Variants in CTIF observed in about 807,000 individuals in gnomAD.
CTIF encodes CBP80/20-dependent translation initiation factor.
Under a neutral mutation model 66.0 loss-of-function variants are expected in CTIF, and 21 were observed. The ratio of observed to expected loss-of-function variants is 0.32; its 90% CI spans 0.23 to 0.46. CTIF has a LOEUF of 0.46. CTIF is among the 20% of genes least tolerant of loss of function. CTIF has a pLI of 1.00. For synonymous variants in CTIF, 345 were observed against 326.4 expected (o/e 1.06, Z -0.62); for missense variants, 739 against 812.7 (o/e 0.91, Z 1.10).
rs532143146 is a variant in CTIF at position 48,587,636 on chromosome 18, C to T, written c.-28-31902C>T. Among the ~76,000 whole-genome samples the T allele has an allele frequency of 6.0e-4, 92 of 152,288 alleles. 2 individuals are homozygous for T. In the South Asian group the frequency reaches 0.019, roughly 32 times the overall value. On this transcript the variant is annotated intron_variant, in intron 1 of 11. Coordinates refer to ENST00000256413, the MANE Select transcript of CTIF (RefSeq NM_014772.3). ...GGCAAGCCAGCTTTTTGGGGCCTCA[C>T]TTTTCTCATCTGTAAAAGGAGAGGC... is the stretch of plus-strand genomic sequence containing the variant.
intron 7 of CTIF, among the ~76,000 whole-genome samples, chr18:48,743,947 C>A (rs1476206758): frequency 6.6e-6 from 1 of 152,162 alleles, no homozygotes; most frequent in Admixed American, 6.5e-5. Context: ...CTTTTCCCTC[C>A]CGTTGAGGGG....
rs1184253474 is a variant in CTIF, at chr18:48,859,958, G to T, written c.*399G>T. Reference sequence around the variant, plus strand: ...CCGGGGCACCGCTTGGGTCAGAAAGGACCTCGGAAGGCTGAAAAAGTGGGT... The same window carrying T: ...CCGGGGCACCGCTTGGGTCAGAAAGTACCTCGGAAGGCTGAAAAAGTGGGT... On this transcript the variant is annotated 3_prime_UTR_variant, in exon 12 of 12. Coordinates refer to ENST00000256413, the MANE Select transcript of CTIF (RefSeq NM_014772.3). 3 of 470,780 alleles carry T rather than the reference G, an allele frequency of 6.4e-6. No individual in the cohort carries two copies. The highest frequency in any genetic ancestry group is 8.4e-6 in the Non-Finnish European group (2 of 237,032). 29.2% of individuals were successfully genotyped at this position (470,780 alleles called of 1,614,324 possible).
At chr18:48,759,539 C>T (rs545023438) in intron 8 of CTIF, among the ~76,000 whole-genome samples, 3 of 152,150 alleles carry the variant, frequency 2.0e-5, no homozygotes, top group Non-Finnish European at 2.9e-5. Context: ...GGAAACAGCA[C>T]GGGCTTTAGA....
chr18:48,645,387 A>C (rs1341104326), intron 3 of CTIF, among the ~76,000 whole-genome samples: 1 of 152,196 alleles, frequency 6.6e-6, no homozygotes, highest in East Asian at 1.9e-4. Flanking sequence ...AAGATCTAGC[A>C]AAACAAAAAA....
At chr18:48,720,812 C>T (rs964259136) in intron 7 of CTIF, among the ~76,000 whole-genome samples, 5 of 152,248 alleles carry the variant, frequency 3.3e-5, no homozygotes, top group East Asian at 3.9e-4. Context: ...TGCCTCAGGC[C>T]GCACTCCTGG....
chr18:48,835,181 G>T (rs115226473), intron 10 of CTIF, among the ~76,000 whole-genome samples: 2 of 152,362 alleles, frequency 1.3e-5, no homozygotes, highest in African/African-American at 4.8e-5. Context: ...AAGACCTGGA[G>T]ATTAAATCTG....
chr18:48,758,524 A>G, intron 8 of CTIF, 119 bp downstream of exon 8: 1 of 1,298,220 alleles, frequency 7.7e-7, no homozygotes, highest in Non-Finnish European at 1.1e-6. Flanking sequence ...GGAGCCATGT[A>G]CAGGGAAGCA....
intron 1 of CTIF, among the ~76,000 whole-genome samples, chr18:48,611,390 G>A (rs774560081): frequency 6.6e-5 from 10 of 152,366 alleles, no homozygotes; most frequent in East Asian, 3.8e-4. Flanking sequence ...TCTGAGCTCC[G>A]CCCTGGGCCC....
At chr18:48,808,617 TAGAC>T (rs2068199796) in intron 9 of CTIF, among the ~76,000 whole-genome samples, 1 of 151,980 alleles carries the variant, frequency 6.6e-6, no homozygotes, top group Non-Finnish European at 1.5e-5. Context: ...TCCTGATACT[TAGAC>T]AGCTGTCCCT....
intron 9 of CTIF, among the ~76,000 whole-genome samples, chr18:48,762,410 C>G (rs1258413862): frequency 6.6e-6 from 1 of 152,212 alleles, no homozygotes; most frequent in African/African-American, 2.4e-5. Context: ...TACCTGCTTG[C>G]CTGTATGGGC....
At chr18:48,652,887 A>G (rs1229146231) in intron 3 of CTIF, among the ~76,000 whole-genome samples, 2 of 152,254 alleles carry the variant, frequency 1.3e-5, no homozygotes, top group African/African-American at 4.8e-5. Flanking sequence ...CCACATGATT[A>G]TCTCAATAGA....
chr18:48,840,677 A>T (rs1470168886), intron 10 of CTIF, among the ~76,000 whole-genome samples: 1 of 152,038 alleles, frequency 6.6e-6, no homozygotes, highest in South Asian at 2.1e-4. Context: ...GCACAATGCT[A>T]ATTATGCCCT....
chr18:48,573,153 T>C (rs866750892), intron 1 of CTIF, among the ~76,000 whole-genome samples: 1 of 152,134 alleles, frequency 6.6e-6, no homozygotes, highest in African/African-American at 2.4e-5. Context: ...AAGGCTGCCC[T>C]GGACTGCACT....
chr18:48,605,488 C>A (rs144696658), intron 1 of CTIF, among the ~76,000 whole-genome samples: 1 of 152,202 alleles, frequency 6.6e-6, no homozygotes, highest in Non-Finnish European at 1.5e-5. Flanking sequence ...CTGCTCCCTG[C>A]GGTTGTATCT....
At chr18:48,700,447 A>G (rs1240172027) in intron 6 of CTIF, among the ~76,000 whole-genome samples, 1 of 152,208 alleles carries the variant, frequency 6.6e-6, no homozygotes, top group Admixed American at 6.5e-5. Flanking sequence ...ACAGTGATGA[A>G]CCTGTTCATT....
rs1182096420 is a variant in CTIF at position 48,670,702 on chromosome 18, C to T, written c.465C>T (p.Gly155=). Residue 155 remains glycine (G), a synonymous_variant, in exon 6 of 12, where the codon GGC becomes GGT. Coordinates refer to ENST00000256413, the MANE Select transcript of CTIF (RefSeq NM_014772.3). ...AAGGGAAGCTGGAAGATGGGGATGG[C>T]ATCAACCTGAATGACATCGAGAAGG... ...CGKGKLEDGD[G]INLNDIEKVL... 2.5e-6 allele frequency: 4 copies of T among 1,614,146 alleles called. No homozygotes were observed. Among genetic ancestry groups the T allele is most frequent in the Non-Finnish European group, 3.4e-6 (4 of 1,180,000 alleles).
chr18:48,560,387 G>A (rs1376837466), intron 1 of CTIF, among the ~76,000 whole-genome samples: 11 of 151,806 alleles, frequency 7.2e-5, no homozygotes, highest in Admixed American at 5.9e-4. Context: ...CACCACACCC[G>A]GCTAATTTTT....
At chr18:48,698,379 G>A (rs900934109) in intron 6 of CTIF, among the ~76,000 whole-genome samples, 2 of 152,030 alleles carry the variant, frequency 1.3e-5, no homozygotes, top group African/African-American at 4.8e-5. Context: ...AGGCAACTAT[G>A]TATTTATCTT....
At chr18:48,800,207 C>T (rs1274318627) in intron 9 of CTIF, among the ~76,000 whole-genome samples, 3 of 152,212 alleles carry the variant, frequency 2.0e-5, no homozygotes, top group Non-Finnish European at 4.4e-5. Context: ...GTCAGCATCC[C>T]CATCATCAGA....
Sources: allele counts gnomAD v4.1 joint callset (sites outside exome capture counted in the v4.1 genomes callset), GRCh38; gene constraint gnomAD v4.1.1; transcripts MANE v1.5; gene names NCBI Gene and HGNC (gene_info 2026-07-23, HGNC 2026-07-21).